The following EHD4 variants were observed in gnomAD, a reference collection of about 807,000 sequenced individuals.
EHD4 encodes EH domain-containing protein 4.
In EHD4, 37 loss-of-function variants were observed where a neutral mutation model predicts 51.0. The ratio of observed to expected loss-of-function variants is 0.73; its 90% CI spans 0.56 to 0.95. The LOEUF is 0.95. Ranked by LOEUF, EHD4 falls within the 40% of genes least tolerant of loss-of-function variation. The pLI is 0.00. For synonymous variants in EHD4, 297 were observed against 317.3 expected, an observed-to-expected ratio of 0.94 and a Z score of 0.68; for missense variants, 632 against 733.1, an observed-to-expected ratio of 0.86 and a Z score of 1.59.
At chr15:41,956,079 G>A (rs907806419) in intron 1 of EHD4, among the ~76,000 whole-genome samples, 1 of 152,204 alleles carries the variant, frequency 6.6e-6, no homozygotes, top group African/African-American at 2.4e-5. Flanking sequence ...CGCAATTCAC[G>A]AAAATGTGAG....
At chr15:41,965,292 TC>T (rs2067954634) in intron 1 of EHD4, among the ~76,000 whole-genome samples, 4 of 152,196 alleles carry the variant, frequency 2.6e-5, no homozygotes. Context: ...AAAATGCTCA[TC>T]GTATCATATT....
At position 41,909,802 on chromosome 15, in the gene EHD4, T is replaced by A; in HGVS notation, c.986A>T (p.Asn329Ile). 1.2e-6 allele frequency: 2 copies of A among 1,614,228 alleles called. No homozygotes were observed. The highest frequency in any genetic ancestry group is 8.5e-7 in the Non-Finnish European group (1 of 1,180,036). The stretch of plus-strand genomic sequence containing the variant: ...CCTGCTGATAAGCTCTCTCTTCTTG[T>A]TTTCCTTTCCAAATACACTTGGCAT... ...KEMPSVFGKENKKRELISRLP... is the reference protein window; with the variant it reads ...KEMPSVFGKEIKKRELISRLP... The change falls in exon 5 of 6, where the codon AAC becomes ATC. Residue 329 changes from asparagine (N) to isoleucine (I), a missense_variant. Physicochemically the swap from Asn to Ile is moderately radical, Grantham distance 149 (BLOSUM62 -3). Transcript: ENST00000220325.
chr15:41,909,341 G>T (rs531860191), intron 5 of EHD4, among the ~76,000 whole-genome samples: 2 of 152,206 alleles, frequency 1.3e-5, no homozygotes, highest in African/African-American at 2.4e-5. Context: ...AGGGCTGGAG[G>T]AGGCCGCCCA....
intron 3 of EHD4, among the ~76,000 whole-genome samples, chr15:41,934,395 C>G (rs979462153): frequency 6.6e-6 from 1 of 151,490 alleles, no homozygotes; most frequent in Non-Finnish European, 1.5e-5. Flanking sequence ...TAGCTCACTG[C>G]AGCCTCAAAC....
At chr15:41,953,509 C>T (rs962511415) in intron 2 of EHD4, among the ~76,000 whole-genome samples, 1 of 152,140 alleles carries the variant, frequency 6.6e-6, no homozygotes, top group South Asian at 2.1e-4. Flanking sequence ...ACGAGCCACA[C>T]ACCTGGCCCT....
intron 4 of EHD4, among the ~76,000 whole-genome samples, chr15:41,918,305 C>T (rs1255999970): frequency 2.0e-5 from 3 of 152,092 alleles, no homozygotes; most frequent in Admixed American, 6.5e-5. Context: ...CCCCTATATC[C>T]GAGGCTCTGG....
chr15:41,916,286 G>A (rs888851070), intron 4 of EHD4, among the ~76,000 whole-genome samples: 2 of 152,190 alleles, frequency 1.3e-5, no homozygotes, highest in South Asian at 2.1e-4. Flanking sequence ...GTTCACTCCC[G>A]ATTTCAGGTG....
intron 3 of EHD4, chr15:41,942,325 C>T (rs62004265): frequency 0.096 from 14,513 of 151,488 alleles, 926 homozygotes; most frequent in Non-Finnish European, 0.14. Context: ...CTCAGCTCTC[C>T]GCAACCTCCG....
At chr15:41,961,254 G>A (rs1328960473) in intron 1 of EHD4, among the ~76,000 whole-genome samples, 1 of 152,204 alleles carries the variant, frequency 6.6e-6, no homozygotes, top group African/African-American at 2.4e-5. Flanking sequence ...GCCATTACCT[G>A]TAAGTTGCTC....
At chr15:41,959,395 CAAAAA>C (rs36120701) in intron 1 of EHD4, among the ~76,000 whole-genome samples, 1 of 66,412 alleles carries the variant, frequency 1.5e-5, no homozygotes, top group Non-Finnish European at 2.7e-5. Context: ...GACTTTGTCT[CAAAAA>C]AAAAAAAAAA....
At chr15:41,956,033 G>C (rs1170835851) in intron 1 of EHD4, among the ~76,000 whole-genome samples, 1 of 152,224 alleles carries the variant, frequency 6.6e-6, no homozygotes, top group Admixed American at 6.5e-5. Context: ...GAGAACAGCA[G>C]CCAGTGTCGC....
chr15:41,922,837 T>C (rs951639689), intron 3 of EHD4, among the ~76,000 whole-genome samples: 2 of 152,190 alleles, frequency 1.3e-5, no homozygotes, highest in Non-Finnish European at 2.9e-5. Context: ...AAAGCAACAA[T>C]GAGAGCTTAA....
chr15:41,920,636 A>T (rs921918406), intron 3 of EHD4, among the ~76,000 whole-genome samples: 1 of 152,126 alleles, frequency 6.6e-6, no homozygotes, highest in Admixed American at 6.6e-5. Context: ...CTACCACATA[A>T]TTTTAACAAA....
At chr15:41,915,129 G>T (rs1369628919) in intron 4 of EHD4, among the ~76,000 whole-genome samples, 3 of 152,010 alleles carry the variant, frequency 2.0e-5, no homozygotes, top group Non-Finnish European at 4.4e-5. Context: ...GACACAATGA[G>T]ATCTGTGTCA....
intron 2 of EHD4, among the ~76,000 whole-genome samples, chr15:41,946,146 T>C (rs1346585207): frequency 3.3e-5 from 5 of 152,182 alleles, no homozygotes; most frequent in African/African-American, 1.2e-4. Context: ...CTGGGGAGAT[T>C]AACACAAGGA....
intron 1 of EHD4, among the ~76,000 whole-genome samples, chr15:41,966,192 G>A (rs11638729): frequency 0.45 from 68,726 of 151,468 alleles, 16,617 homozygotes; most frequent in Non-Finnish European, 0.56. Flanking sequence ...AGAATTTGAC[G>A]CCTCACATCC....
intron 3 of EHD4, among the ~76,000 whole-genome samples, chr15:41,922,634 C>G (rs1167216433): frequency 6.6e-6 from 1 of 152,214 alleles, no homozygotes; most frequent in Admixed American, 6.5e-5. Flanking sequence ...TTGATTGCAA[C>G]ACTTGTGTTT....
At chr15:41,945,831 G>T (rs535388852) in intron 2 of EHD4, among the ~76,000 whole-genome samples, 2 of 152,354 alleles carry the variant, frequency 1.3e-5, no homozygotes, top group Middle Eastern at 3.4e-3. Flanking sequence ...AGTGGTAGTC[G>T]TAGCCCAGTA....
chr15:41,944,298 C>A (rs547896765), intron 2 of EHD4, among the ~76,000 whole-genome samples: 1 of 152,330 alleles, frequency 6.6e-6, no homozygotes, highest in African/African-American at 2.4e-5. Flanking sequence ...CCACCCTGGG[C>A]ACCAGGGTCT....
Sources: allele counts gnomAD v4.1 joint callset (sites outside exome capture counted in the v4.1 genomes callset), GRCh38; gene constraint gnomAD v4.1.1; transcripts MANE v1.5; gene names NCBI Gene and HGNC (gene_info 2026-07-23, HGNC 2026-07-21).